LIPA: variants seen among roughly 807,000 people sequenced by gnomAD.
LIPA encodes lysosomal acid lipase/cholesteryl ester hydrolase.
A neutral mutation model predicts 40.6 loss-of-function variants in LIPA; 26 were observed. That is an observed-to-expected ratio of 0.64 (90% CI 0.47 to 0.89). The LOEUF is 0.89. LIPA is among the 40% of genes least tolerant of loss of function. LIPA has a pLI of 0.00. For missense variants in LIPA, 455 were observed against 479.6 expected (o/e 0.95, Z 0.48); for synonymous variants, 188 against 168.4 (o/e 1.12, Z -0.90).
intron 1 of LIPA, among the ~76,000 whole-genome samples, chr10:89,282,614 T>C (rs1843321782): frequency 6.6e-6 from 1 of 151,806 alleles, no homozygotes; most frequent in Admixed American, 6.6e-5. Flanking sequence ...CACTCCAGCC[T>C]GGGTAACAAG....
intron 1 of LIPA, among the ~76,000 whole-genome samples, chr10:89,257,548 A>G (rs188688570): frequency 6.6e-6 from 1 of 152,342 alleles, no homozygotes; most frequent in East Asian, 1.9e-4. Context: ...GTATGAAACG[A>G]TAATTTCAGA....
intron 2 of LIPA, among the ~76,000 whole-genome samples, chr10:89,365,767 G>A (rs1844052506): frequency 6.6e-6 from 1 of 152,108 alleles, no homozygotes; most frequent in Non-Finnish European, 1.5e-5. Context: ...TTGTAGATGT[G>A]TGGTATTATT....
chr10:89,304,211 T>A (rs1157467795), intron 1 of LIPA, among the ~76,000 whole-genome samples: 1 of 152,212 alleles, frequency 6.6e-6, no homozygotes, highest in African/African-American at 2.4e-5. Context: ...AAGCTCCAAA[T>A]AGGTCTTAGC....
intron 3 of LIPA, among the ~76,000 whole-genome samples, chr10:89,230,498 T>C (rs887768921): frequency 6.6e-6 from 1 of 152,104 alleles, no homozygotes; most frequent in Admixed American, 6.6e-5. Context: ...GTAGAGACAG[T>C]GTTTCACCAT....
At chr10:89,257,299 T>G (rs1171665266) in intron 1 of LIPA, among the ~76,000 whole-genome samples, 1 of 152,210 alleles carries the variant, frequency 6.6e-6, no homozygotes, top group East Asian at 1.9e-4. Flanking sequence ...GGACTTCATT[T>G]TGATTTTGAC....
At chr10:89,350,225 G>A (rs1465097252) in intron 2 of LIPA, among the ~76,000 whole-genome samples, 1 of 152,110 alleles carries the variant, frequency 6.6e-6, no homozygotes, top group Non-Finnish European at 1.5e-5. Flanking sequence ...TGGGGTTCAG[G>A]AGGATATGAT....
chr10:89,414,620 G>C, upstream of LIPA: 1 of 534,612 alleles, frequency 1.9e-6, no homozygotes, highest in Non-Finnish European at 3.2e-6. Context: ...GTTCTTGCTG[G>C]GGCTGGGGTC....
chr10:89,299,377 A>G (rs1259077959), intron 1 of LIPA, among the ~76,000 whole-genome samples: 1 of 152,216 alleles, frequency 6.6e-6, no homozygotes, highest in Non-Finnish European at 1.5e-5. Flanking sequence ...GACCAAATAT[A>G]TGAATTATCA....
At chr10:89,300,257 G>C (rs1355174997) in intron 1 of LIPA, among the ~76,000 whole-genome samples, 1 of 152,166 alleles carries the variant, frequency 6.6e-6, no homozygotes, top group East Asian at 1.9e-4. Flanking sequence ...ATAGATACCA[G>C]AGACTGGGAA....
intron 2 of LIPA, among the ~76,000 whole-genome samples, chr10:89,347,851 G>C (rs1407979765): frequency 2.6e-5 from 4 of 152,150 alleles, no homozygotes; most frequent in African/African-American, 4.8e-5. Context: ...TGACAGTCAG[G>C]TACACACAGA....
intron 2 of LIPA, among the ~76,000 whole-genome samples, chr10:89,357,132 C>T (rs576202548): frequency 6.6e-6 from 1 of 152,286 alleles, no homozygotes; most frequent in African/African-American, 2.4e-5. Flanking sequence ...AACATGCTTC[C>T]TATCACTGTT....
intron 2 of LIPA, among the ~76,000 whole-genome samples, chr10:89,390,324 C>T (rs1438186671): frequency 6.6e-6 from 1 of 152,126 alleles, no homozygotes; most frequent in African/African-American, 2.4e-5. Context: ...AGGCCTGTAC[C>T]TAAGTATATG....
intron 2 of LIPA, among the ~76,000 whole-genome samples, chr10:89,399,764 G>A (rs1454833102): frequency 6.8e-6 from 1 of 148,036 alleles, no homozygotes; most frequent in Non-Finnish European, 1.5e-5. Context: ...TTGAACTGTT[G>A]TTTGGAGATA....
chr10:89,235,178 C>A lies in LIPA; in HGVS notation c.230-6780G>T, dbSNP rs1460840005. The stretch of plus-strand genomic sequence containing the variant: ...TAGGGAATGAAAGGAGGGGCACCCA[C>A]TCAGCCTCGCCTGGTCAGGCAGCTC... On this transcript the variant is annotated intron_variant, in intron 3 of 9. Coordinates refer to ENST00000336233, the MANE Select transcript of LIPA (RefSeq NM_000235.4). 2.6e-5 allele frequency among the ~76,000 whole-genome samples: 4 copies of A among 152,254 alleles called. No homozygotes were observed. The East Asian group carries it at 7.7e-4, about 29-fold the overall frequency.
rs186856400 is a variant in LIPA, at chr10:89,372,632, G to C, written c.61+40159C>G. On this transcript the variant is annotated intron_variant, in intron 2 of 8. Coordinates refer to the LIPA transcript ENST00000371837. Reference sequence around the variant, plus strand: ...TCATAGCTTGCTGATTATAGAAATGGACAAGGAGCTTAGAGCAATGAAGTC... The same window carrying C: ...TCATAGCTTGCTGATTATAGAAATGCACAAGGAGCTTAGAGCAATGAAGTC... 3.3e-5 allele frequency among the ~76,000 whole-genome samples: 5 copies of C among 152,332 alleles called. No individual in the cohort carries two copies. The East Asian group carries it at 9.6e-4, about 29-fold the overall frequency.
At chr10:89,410,507 A>G (rs1564814837) in intron 2 of LIPA, among the ~76,000 whole-genome samples, 1 of 152,242 alleles carries the variant, frequency 6.6e-6, no homozygotes, top group Non-Finnish European at 1.5e-5. Context: ...ATGGGATACA[A>G]AGGACAGATT....
At chr10:89,363,996 G>A (rs78260901) in intron 2 of LIPA, among the ~76,000 whole-genome samples, 1,676 of 152,264 alleles carry the variant, frequency 0.011, 42 homozygotes, top group East Asian at 0.093. Context: ...GCCTGAGACG[G>A]GCTACTGGCC....
chr10:89,277,910 T>C (rs1843296748), intron 1 of LIPA: 5 of 152,242 alleles, frequency 3.3e-5, no homozygotes. Context: ...TTTGTGTTTT[T>C]TTAAGTGTTT....
intron 2 of LIPA, among the ~76,000 whole-genome samples, chr10:89,365,460 T>A (rs537338571): frequency 6.6e-6 from 1 of 152,332 alleles, no homozygotes; most frequent in Non-Finnish European, 1.5e-5. Context: ...TTTAATTAGA[T>A]CCCATTTGTC....
Sources: gnomAD v4.1 joint callset for allele counts (sites outside exome capture counted in the v4.1 genomes callset) on GRCh38, gnomAD v4.1.1 for gene constraint, MANE v1.5 for transcripts, NCBI Gene and HGNC (gene_info 2026-07-23, HGNC 2026-07-21) for gene names.